The following DAPK2 variants were observed in gnomAD, a reference collection of about 807,000 sequenced individuals.
DAPK2 encodes the protein death associated protein kinase 2, also known as death-associated protein kinase 2.
Under a neutral mutation model 44.1 loss-of-function variants are expected in DAPK2, and 35 were observed. The ratio of observed to expected loss-of-function variants is 0.79; its 90% CI spans 0.61 to 1.05. DAPK2 has a LOEUF of 1.05. Ranked by LOEUF, DAPK2 falls within the 50% of genes least tolerant of loss-of-function variation. The pLI, the probability that DAPK2 is intolerant of heterozygous loss-of-function variation, is 0.00. For missense variants in DAPK2, 453 were observed against 483.2 expected (o/e 0.94, Z 0.59); for synonymous variants, 174 against 182.6 (o/e 0.95, Z 0.38).
chr15:63,958,177 C>G (rs919408359), intron 3 of DAPK2, among the ~76,000 whole-genome samples: 46 of 151,910 alleles, frequency 3.0e-4, no homozygotes, highest in African/African-American at 1.0e-3. Context: ...CTGTTCATAT[C>G]CTTTGTGCAC....
chr15:64,046,333 C>A (rs1318069954), upstream of DAPK2: 1 of 207,632 alleles, frequency 4.8e-6, no homozygotes, highest in Non-Finnish European at 5.7e-6. This position sits in a 1 kb window ranked among gnomAD's most constrained non-coding sequence, Gnocchi z 5.3. Context: ...GCGGCCGCGG[C>A]AGGCGCGGCG....
intron 4 of DAPK2, among the ~76,000 whole-genome samples, chr15:63,938,690 G>A (rs1005023827): frequency 1.3e-5 from 2 of 152,210 alleles, no homozygotes; most frequent in African/African-American, 4.8e-5. Flanking sequence ...TACAGAATGG[G>A]CAGGGGCCTG....
At chr15:63,924,552 A>C in intron 8 of DAPK2, 1 of 441,282 alleles carries the variant, frequency 2.3e-6, no homozygotes, top group Non-Finnish European at 4.1e-6. Context: ...GGCCCCAAAG[A>C]AAAAGGGTTT....
chr15:63,938,497 T>A (rs2077222258), intron 4 of DAPK2, among the ~76,000 whole-genome samples: 1 of 152,238 alleles, frequency 6.6e-6, no homozygotes, highest in Non-Finnish European at 1.5e-5. Flanking sequence ...TTTATTTGAC[T>A]GTGGTCAGAA....
intron 1 of DAPK2, chr15:63,991,088 C>T: frequency 2.7e-6 from 1 of 374,478 alleles, no homozygotes; most frequent in Non-Finnish European, 5.3e-6. Context: ...GGGACACATT[C>T]CCCAAGGTCA....
At chr15:64,001,199 C>T (rs771308684) in intron 1 of DAPK2, among the ~76,000 whole-genome samples, 2 of 140,728 alleles carry the variant, frequency 1.4e-5, no homozygotes, top group African/African-American at 5.1e-5. Flanking sequence ...CTTTAATCAC[C>T]TCCACTACCT....
At chr15:63,942,196 A>C in intron 3 of DAPK2, 1 of 985,074 alleles carries the variant, frequency 1.0e-6, no homozygotes, top group Non-Finnish European at 1.2e-6. Context: ...CTCCTTCCTC[A>C]CACAGGCTCA....
intron 1 of DAPK2, among the ~76,000 whole-genome samples, chr15:63,986,233 C>T (rs919042889): frequency 6.6e-6 from 1 of 152,242 alleles, no homozygotes; most frequent in Non-Finnish European, 1.5e-5. Context: ...CTTTCACCTG[C>T]TCTGAACATA....
At chr15:63,971,316 G>A (rs1419549638) in intron 3 of DAPK2, 107 bp downstream of exon 4, 2 of 1,348,006 alleles carry the variant, frequency 1.5e-6, no homozygotes, top group Non-Finnish European at 2.0e-6. Context: ...ACTGTAAGAT[G>A]AGAAAGAAGG....
chr15:63,921,978 G>C (rs1202548136), intron 8 of DAPK2: 1 of 152,108 alleles, frequency 6.6e-6, no homozygotes, highest in Non-Finnish European at 1.5e-5. Context: ...TTTACCTCTG[G>C]GACCTGGACT....
At chr15:63,953,311 C>T (rs2140548192) in intron 3 of DAPK2, among the ~76,000 whole-genome samples, 2 of 152,266 alleles carry the variant, frequency 1.3e-5, no homozygotes, top group South Asian at 4.1e-4. Flanking sequence ...TTTTTCTACT[C>T]TCAATATCTC....
Position 63,929,580 on chromosome 15 carries a change from G to C in DAPK2, c.633-3C>G, listed in dbSNP as rs1174585505. On this transcript the variant is annotated splice_region_variant and splice_polypyrimidine_tract_variant and intron_variant, in intron 5 of 10. Transcript: ENST00000261891. ...TGTAGGTGATGACGCCTATGCTCCT[G>C]CAAAATAAAGAACAGTCAAGTCAGG... 52 of 1,613,942 alleles carry C rather than the reference G, an allele frequency of 3.2e-5. No homozygotes were observed. The highest frequency in any genetic ancestry group is 4.2e-5 in the Non-Finnish European group (49 of 1,179,988).
At chr15:63,945,871 T>A (rs1308861795) in intron 3 of DAPK2, among the ~76,000 whole-genome samples, 1 of 152,094 alleles carries the variant, frequency 6.6e-6, no homozygotes, top group Non-Finnish European at 1.5e-5. Flanking sequence ...AAGGCGCAGG[T>A]CTCCTGGCCC....
At chr15:63,987,523 C>T (rs1442678156) in intron 1 of DAPK2, among the ~76,000 whole-genome samples, 1 of 152,184 alleles carries the variant, frequency 6.6e-6, no homozygotes, top group East Asian at 1.9e-4. Context: ...TCTCTGCCCC[C>T]CATAGCAACA....
intron 3 of DAPK2, 51 bp downstream of exon 4, chr15:63,971,372 T>C: frequency 6.2e-7 from 1 of 1,604,898 alleles, no homozygotes; most frequent in East Asian, 2.2e-5. Flanking sequence ...CAGGAGGGAC[T>C]AAGCCTCTTC....
At chr15:63,984,270 T>G (rs1394846936) in intron 1 of DAPK2, among the ~76,000 whole-genome samples, 1 of 152,218 alleles carries the variant, frequency 6.6e-6, no homozygotes, top group Non-Finnish European at 1.5e-5. Flanking sequence ...ATAGGTCATG[T>G]GACTCGCCTG....
intron 1 of DAPK2, among the ~76,000 whole-genome samples, chr15:64,016,942 G>A (rs2079549817): frequency 6.6e-6 from 1 of 151,890 alleles, no homozygotes; most frequent in Non-Finnish European, 1.5e-5. Context: ...GCATACAACA[G>A]GAGCACAATA....
At chr15:63,930,932 A>G (rs944174935) in intron 4 of DAPK2, among the ~76,000 whole-genome samples, 2 of 152,044 alleles carry the variant, frequency 1.3e-5, no homozygotes, top group African/African-American at 4.8e-5. Flanking sequence ...ATGATGGCAC[A>G]TGTCTGCAGT....
chr15:64,046,166 G>GGGCGGCGGGCCCGGGGCATTGT lies in DAPK2; in HGVS notation c.-7+131_-7+132insACAATGCCCCGGGCCCGCCGCC. The GGGCGGCGGGCCCGGGGCATTGT allele has an allele frequency of 3.7e-6, 1 of 268,896 alleles. No homozygotes were observed. The highest frequency in any genetic ancestry group is 5.7e-6 in the Non-Finnish European group (1 of 174,274). The allele number at this position is 268,896 out of a possible 1,614,324, so 16.7% of individuals were successfully genotyped here. A position where few individuals can be genotyped will look rare whatever the true frequency, so the allele number is the denominator to read the frequency against. ...CCCCGGGCCACGGCGTCAGGCATTG[G>GGGCGGCGGGCCCGGGGCATTGT]GGCGGCGGGCCCGGGATCTGCGAGC... On this transcript the variant is annotated intron_variant, in intron 1 of 11. Coordinates refer to the DAPK2 transcript ENST00000457488. The surrounding 1 kb of genome is among the most constrained non-coding windows in gnomAD (Gnocchi z 5.3).
Sources: gnomAD v4.1 joint callset for allele counts (sites outside exome capture counted in the v4.1 genomes callset) on GRCh38, gnomAD v4.1.1 for gene constraint, Gnocchi (gnomAD v3.1) non-coding constraint, MANE v1.5 for transcripts, NCBI Gene and HGNC (gene_info 2026-07-23, HGNC 2026-07-21) for gene names.